Variants in GPC6 observed in about 807,000 individuals in gnomAD.
GPC6 encodes glypican 6.
In GPC6, 14 loss-of-function variants were observed where a neutral mutation model predicts 55.2. That is an observed-to-expected ratio of 0.25 (90% CI 0.17 to 0.40). GPC6 has a LOEUF of 0.40. Ranked by LOEUF, GPC6 falls within the 10% of genes least tolerant of loss-of-function variation. The pLI is 1.00. For synonymous variants in GPC6, 278 were observed against 259.6 expected, an observed-to-expected ratio of 1.07 and a Z score of -0.68; for missense variants, 641 against 708.5, an observed-to-expected ratio of 0.90 and a Z score of 1.08.
intron 4 of GPC6, among the ~76,000 whole-genome samples, chr13:94,033,138 T>C (rs559503130): frequency 6.6e-5 from 10 of 152,336 alleles, no homozygotes; most frequent in Non-Finnish European, 1.5e-4. Context: ...GGCTGTTCTA[T>C]TTTACTTTGT....
intron 5 of GPC6, among the ~76,000 whole-genome samples, chr13:94,304,296 A>G (rs1038096147): frequency 6.6e-6 from 1 of 152,248 alleles, no homozygotes; most frequent in African/African-American, 2.4e-5. Context: ...GAATACAACA[A>G]AAGAAAAATT....
intron 4 of GPC6, among the ~76,000 whole-genome samples, chr13:94,189,750 G>C (rs1461872708): frequency 6.6e-6 from 1 of 152,154 alleles, no homozygotes; most frequent in African/African-American, 2.4e-5. Flanking sequence ...AGCCAGGCGC[G>C]GTGGCTTACG....
intron 4 of GPC6, among the ~76,000 whole-genome samples, chr13:94,253,355 A>G (rs768814403): frequency 1.8e-4 from 27 of 152,242 alleles, no homozygotes; most frequent in Non-Finnish European, 2.9e-4. Context: ...TTGATTCTCT[A>G]TAACCTAGAT....
chr13:94,011,433 C>A (rs555168141), intron 3 of GPC6, among the ~76,000 whole-genome samples: 2 of 152,162 alleles, frequency 1.3e-5, no homozygotes, highest in African/African-American at 4.8e-5. Context: ...ACCTTCTACC[C>A]CATGATTTAT....
At chr13:94,003,177 G>A (rs892076567) in intron 3 of GPC6, among the ~76,000 whole-genome samples, 16 of 152,192 alleles carry the variant, frequency 1.1e-4, no homozygotes, top group South Asian at 2.1e-4. Context: ...CTCCAATGTT[G>A]GCAACTCCAG....
chr13:94,013,336 GTTTTTGTTTTTTGC>G (rs1184985301), intron 3 of GPC6, among the ~76,000 whole-genome samples: 1 of 151,806 alleles, frequency 6.6e-6, no homozygotes. Context: ...TTATTTATGT[GTTTTTGTTTTTTGC>G]TTTTTGTTTT....
chr13:94,315,629 G>A (rs963254478), intron 6 of GPC6, among the ~76,000 whole-genome samples: 5 of 152,182 alleles, frequency 3.3e-5, no homozygotes, highest in Non-Finnish European at 5.9e-5. Flanking sequence ...GGACATGTTA[G>A]TGAACAGTAA....
At chr13:94,034,646 G>T (rs918449659) in intron 4 of GPC6, among the ~76,000 whole-genome samples, 1 of 151,902 alleles carries the variant, frequency 6.6e-6, no homozygotes, top group African/African-American at 2.4e-5. Context: ...TTTCCTTTAC[G>T]CCCAATTCCA....
intron 4 of GPC6, among the ~76,000 whole-genome samples, chr13:94,269,048 A>G (rs1388104163): frequency 5.3e-5 from 8 of 152,098 alleles, no homozygotes; most frequent in Non-Finnish European, 1.2e-4. Context: ...TATTTTTTTC[A>G]AAATGAGGCG....
At chr13:93,740,538 G>A (rs2138848444) in intron 2 of GPC6, among the ~76,000 whole-genome samples, 1 of 152,200 alleles carries the variant, frequency 6.6e-6, no homozygotes, top group Admixed American at 6.5e-5. Context: ...ATGATAAGTG[G>A]GGCTGAAATT....
intron 1 of GPC6, among the ~76,000 whole-genome samples, chr13:93,228,399 C>T (rs1875889422): frequency 6.6e-6 from 1 of 152,186 alleles, no homozygotes; most frequent in African/African-American, 2.4e-5. Flanking sequence ...TAGCGGGTGG[C>T]TCAGCTGGGG....
chr13:94,053,680 T>C (rs943753970), intron 4 of GPC6, among the ~76,000 whole-genome samples: 4 of 152,148 alleles, frequency 2.6e-5, no homozygotes, highest in Non-Finnish European at 5.9e-5. Flanking sequence ...ATCCCATCTA[T>C]ATATGTAACT....
chr13:93,799,390 A>G (rs1037153584), intron 2 of GPC6, among the ~76,000 whole-genome samples: 20 of 152,286 alleles, frequency 1.3e-4, no homozygotes, highest in African/African-American at 4.8e-4. Flanking sequence ...TCTAGTTATA[A>G]AAGGTTACAT....
intron 4 of GPC6, among the ~76,000 whole-genome samples, chr13:94,085,456 A>C (rs528826334): frequency 6.6e-6 from 1 of 152,226 alleles, no homozygotes; most frequent in Admixed American, 6.5e-5. Context: ...CCCAACTTGC[A>C]TTGCCAGTTT....
intron 3 of GPC6, among the ~76,000 whole-genome samples, chr13:93,952,206 A>G (rs940872806): frequency 1.3e-5 from 2 of 152,166 alleles, no homozygotes; most frequent in African/African-American, 4.8e-5. Context: ...GATCCAGAAG[A>G]TAGAACTTAT....
chr13:94,161,941 A>T (rs1888182988), intron 4 of GPC6, among the ~76,000 whole-genome samples: 1 of 152,116 alleles, frequency 6.6e-6, no homozygotes, highest in Non-Finnish European at 1.5e-5. Flanking sequence ...GAAGAATGGG[A>T]GCCAAGCAAA....
At chr13:94,348,222 T>C (rs774953936) in intron 6 of GPC6, among the ~76,000 whole-genome samples, 4 of 152,242 alleles carry the variant, frequency 2.6e-5, no homozygotes, top group Non-Finnish European at 4.4e-5. Context: ...TTATGGAACA[T>C]ATACTCTTAT....
chr13:94,349,701 A>G (rs1878445625), intron 6 of GPC6, among the ~76,000 whole-genome samples: 1 of 152,156 alleles, frequency 6.6e-6, no homozygotes, highest in Non-Finnish European at 1.5e-5. Flanking sequence ...TCCAACTGTC[A>G]AAATGCAACA....
rs76780768 is a variant in GPC6 at position 94,097,669 on chromosome 13, T to G, written c.877+69775T>G. 7.2e-4 allele frequency among the ~76,000 whole-genome samples: 109 copies of G among 152,348 alleles called. No individual in the cohort carries two copies. In the East Asian group the frequency reaches 0.02, roughly 29 times the overall value. On this transcript the variant is annotated intron_variant, in intron 4 of 8. Coordinates refer to ENST00000377047, the MANE Select transcript of GPC6 (RefSeq NM_005708.5). ...AATAGTTAAGATGGTAAATTTTATC[T>G]TACGTGTTTTTGTATCACATTAAAG...
Sources: gnomAD v4.1 joint callset for allele counts (sites outside exome capture counted in the v4.1 genomes callset) on GRCh38, gnomAD v4.1.1 for gene constraint, MANE v1.5 for transcripts, NCBI Gene and HGNC (gene_info 2026-07-23, HGNC 2026-07-21) for gene names.